The following CMBL variants were observed in gnomAD, a reference collection of about 807,000 sequenced individuals.
CMBL encodes carboxymethylenebutenolidase homolog.
In CMBL, 17 loss-of-function variants were observed where a neutral mutation model predicts 28.7. That is an observed-to-expected ratio of 0.59 (90% CI 0.41 to 0.89). The LOEUF (loss-of-function observed/expected upper bound fraction) is 0.89, where lower values mean the gene tolerates loss of function less well. Ranked by LOEUF, CMBL falls within the 40% of genes least tolerant of loss-of-function variation. The pLI, the probability that CMBL is intolerant of heterozygous loss-of-function variation, is 0.00. For missense variants in CMBL, 310 were observed against 298.5 expected (o/e 1.04, Z -0.28); for synonymous variants, 106 against 101.6 (o/e 1.04, Z -0.26).
chr5:10,292,192 C>T (rs1199749491), intron 1 of CMBL: 1 of 148,998 alleles, frequency 6.7e-6, no homozygotes, highest in Non-Finnish European at 1.5e-5. Context: ...CTAGCTGAGA[C>T]AGATTCTCAA....
At chr5:10,305,371 G>A (rs1746983217) in intron 1 of CMBL, among the ~76,000 whole-genome samples, 2 of 152,174 alleles carry the variant, frequency 1.3e-5, no homozygotes, top group South Asian at 4.2e-4. Context: ...GGAATTTGCA[G>A]ATCAAATACT....
chr5:10,287,406 T>C (rs149843790), intron 3 of CMBL, among the ~76,000 whole-genome samples: 3,189 of 150,136 alleles, frequency 0.021, 107 homozygotes, highest in African/African-American at 0.072. Flanking sequence ...TACTGTATGT[T>C]CTCACTTATA....
chr5:10,284,636 T>A (rs1039891724), intron 4 of CMBL, among the ~76,000 whole-genome samples: 10 of 152,240 alleles, frequency 6.6e-5, no homozygotes, highest in African/African-American at 2.4e-4. Flanking sequence ...TTTGCCCAAC[T>A]GTAGCCTGAT....
rs1298540736 is a variant in CMBL at position 10,280,559 on chromosome 5, G to C, written c.632C>G (p.Thr211Ser). ...EYQIKTFSGQ[T>S]HGFVHRKRED... is the part of the protein sequence containing the mutation. Reference sequence around the variant, plus strand: ...TCTCTTCCGATGCACGAACCCATGAGTCTGCCCAGAAAATGTTTTAATTTG... The same window carrying C: ...TCTCTTCCGATGCACGAACCCATGACTCTGCCCAGAAAATGTTTTAATTTG... Residue 211 changes from threonine (T) to serine (S), a missense_variant, in exon 6 of 6, where the codon ACT (threonine) becomes AGT (serine). Physicochemically the swap from Thr to Ser is moderately conservative, Grantham distance 58 (BLOSUM62 1). Coordinates refer to ENST00000296658, the MANE Select transcript of CMBL (RefSeq NM_138809.4). 6.2e-7 allele frequency: 1 copy of C among 1,613,856 alleles called. No individual in the cohort carries two copies. The highest frequency in any genetic ancestry group is 8.5e-7 in the Non-Finnish European group (1 of 1,179,796).
rs1380333029 is a variant in CMBL, at chr5:10,279,912, G to A, written c.*541C>T. 3 of 151,994 alleles carry A rather than the reference G, an allele frequency of 2.0e-5. No individual in the cohort carries two copies. The highest frequency in any genetic ancestry group is 7.3e-5 in the African/African-American group (3 of 41,356). 9.4% of individuals were successfully genotyped at this position (151,994 alleles called of 1,614,324 possible). Reference sequence around the variant, plus strand: ...ATTCAAATTCTCCAGGTACTGACCTGGTTTTTATTTTATTTATTTATTTAT... The same window carrying A: ...ATTCAAATTCTCCAGGTACTGACCTAGTTTTTATTTTATTTATTTATTTAT... On this transcript the variant is annotated 3_prime_UTR_variant, in exon 6 of 6. Coordinates refer to ENST00000296658, the MANE Select transcript of CMBL (RefSeq NM_138809.4).
rs1384019143 is a variant in CMBL at position 10,279,045 on chromosome 5, C to T, written c.*1408G>A. Among the ~76,000 whole-genome samples the T allele has an allele frequency of 6.6e-6, 1 of 152,200 alleles. No individual in the cohort carries two copies. The highest frequency in any genetic ancestry group is 1.9e-4 in the East Asian group (1 of 5,188). Reference sequence around the variant, plus strand: ...AAAATTAGGAAAAAAACTACAACATCAAGTCACTTGCCCAAAGTCACATGT... The same window carrying T: ...AAAATTAGGAAAAAAACTACAACATTAAGTCACTTGCCCAAAGTCACATGT... On this transcript the variant is annotated 3_prime_UTR_variant, in exon 6 of 6. Coordinates refer to ENST00000296658, the MANE Select transcript of CMBL (RefSeq NM_138809.4).
chr5:10,286,575 G>C (rs762771059), intron 3 of CMBL, 79 bp from the exon 4 acceptor site: 85 of 1,308,398 alleles, frequency 6.5e-5, no homozygotes, highest in Non-Finnish European at 8.3e-5. Context: ...TGATAACAGG[G>C]CTGTATCAGC....
intron 1 of CMBL, among the ~76,000 whole-genome samples, chr5:10,291,597 C>A (rs538552627): frequency 3.7e-4 from 56 of 151,440 alleles, no homozygotes; most frequent in African/African-American, 1.2e-3. Context: ...GGAGGCGGAG[C>A]TTGCAGTGAG....
At chr5:10,287,749 C>T (rs1746630125) in intron 3 of CMBL, among the ~76,000 whole-genome samples, 1 of 151,038 alleles carries the variant, frequency 6.6e-6, no homozygotes, top group Admixed American at 6.6e-5. Flanking sequence ...CTCGCTCTGT[C>T]CCCCAGGCTG....
intron 1 of CMBL, among the ~76,000 whole-genome samples, chr5:10,301,603 C>T (rs1254346861): frequency 3.4e-5 from 3 of 88,728 alleles, no homozygotes; most frequent in Middle Eastern, 5.6e-3. Flanking sequence ...TTTTTCTTTT[C>T]GGGTTTTTTT....
chr5:10,305,790 C>G (rs1214325724), intron 1 of CMBL, among the ~76,000 whole-genome samples: 3 of 152,100 alleles, frequency 2.0e-5, no homozygotes, highest in Admixed American at 1.3e-4. Flanking sequence ...AGGCTGGTCT[C>G]AAACTCCTGA....
intron 4 of CMBL, among the ~76,000 whole-genome samples, chr5:10,285,690 CTT>C (rs71689041): frequency 0.086 from 8,499 of 98,384 alleles, 352 homozygotes; most frequent in South Asian, 0.15. Flanking sequence ...CTTTCTTTCT[CTT>C]TCTTTTTCTT....
intron 1 of CMBL, among the ~76,000 whole-genome samples, chr5:10,297,771 C>T (rs549927898): frequency 4.6e-5 from 7 of 152,064 alleles, no homozygotes; most frequent in Middle Eastern, 3.4e-3. Flanking sequence ...GAGGGTCTGG[C>T]GCATAGCAGA....
intron 4 of CMBL, among the ~76,000 whole-genome samples, chr5:10,285,630 T>C (rs965024343): frequency 6.6e-6 from 1 of 152,114 alleles, no homozygotes; most frequent in Admixed American, 6.5e-5. Flanking sequence ...TGTGTGCATG[T>C]TTGTGTACAG....
intron 1 of CMBL, chr5:10,307,185 T>C (rs1747014202): frequency 1.3e-5 from 2 of 152,224 alleles, no homozygotes; most frequent in South Asian, 2.1e-4. Context: ...CTGATTTAGT[T>C]GCAAATATGC....
intron 1 of CMBL, among the ~76,000 whole-genome samples, chr5:10,297,221 G>A (rs536132866): frequency 6.6e-6 from 1 of 151,430 alleles, no homozygotes; most frequent in African/African-American, 2.4e-5. Flanking sequence ...GAATGAGAGA[G>A]GAGAGAACTA....
chr5:10,291,361 G>T (rs992164047), intron 1 of CMBL, among the ~76,000 whole-genome samples: 2 of 152,088 alleles, frequency 1.3e-5, no homozygotes, highest in Non-Finnish European at 2.9e-5. Flanking sequence ...GAGTGGAAGG[G>T]AAAAAAGAAA....
At chr5:10,280,663 C>A (rs768226481) in intron 5 of CMBL, 31 bp from the exon 6 acceptor site, 27 of 1,552,376 alleles carry the variant, frequency 1.7e-5, no homozygotes, top group Admixed American at 1.4e-4. Flanking sequence ...TGATTTTAAC[C>A]CTTTAGTGAT....
Position 10,286,376 on chromosome 5 carries a change from G to T in CMBL, c.444C>A (p.Phe148Leu). 6.2e-7 allele frequency: 1 copy of T among 1,613,970 alleles called. No individual in the cohort carries two copies. Among genetic ancestry groups the T allele is most frequent in the Non-Finnish European group, 8.5e-7 (1 of 1,179,944 alleles). ...TACCATAGACGGACACCCCTGCCCT[G>T]AATTCTGAGTATTTCATCATCAAAT... ...VHHLMMKYSE[F>L]RAGVSVYGIV... is the part of the protein sequence containing the mutation. Residue 148 changes from phenylalanine to leucine, a missense_variant, in exon 4 of 6, where the codon TTC becomes TTA. By Grantham distance (22) the Phe-to-Leu change is conservative. Coordinates refer to ENST00000296658, the MANE Select transcript of CMBL (RefSeq NM_138809.4).
Sources: allele counts gnomAD v4.1 joint callset (sites outside exome capture counted in the v4.1 genomes callset), GRCh38; gene constraint gnomAD v4.1.1; transcripts MANE v1.5; gene names NCBI Gene and HGNC (gene_info 2026-07-23, HGNC 2026-07-21).